EP300: variants seen among roughly 807,000 people sequenced by gnomAD.
EP300 encodes the protein EP300 lysine acetyltransferase, also known as histone acetyltransferase p300.
EP300 carries 31 observed loss-of-function variants against 264.0 expected under a neutral mutation model. That is an observed-to-expected ratio of 0.12 (90% confidence interval 0.09 to 0.16). EP300 has a LOEUF of 0.16. EP300 is among the 10% of genes least tolerant of loss of function. EP300 has a pLI of 1.00. For synonymous variants in EP300, 1,340 were observed against 1,045.4 expected, an observed-to-expected ratio of 1.28 and a Z score of -5.44; for missense variants, 2,766 against 3,052.9, an observed-to-expected ratio of 0.91 and a Z score of 2.21.
chr22:41,134,163 C>CTTTTT (rs11362436), intron 6 of EP300, among the ~76,000 whole-genome samples: 211 of 105,270 alleles, frequency 2.0e-3, no homozygotes, highest in African/African-American at 3.0e-3. Context: ...TCATTCTTTT[C>CTTTTT]TTTTTTTTTT....
chr22:41,126,729 CTTTTTTTTT>C (rs71328775), intron 3 of EP300, among the ~76,000 whole-genome samples: 229 of 48,804 alleles, frequency 4.7e-3, no homozygotes, highest in Middle Eastern at 0.053. Context: ...GAAATGTTCA[CTTTTTTTTT>C]TTTTTTTTTT....
Position 41,178,998 on chromosome 22 carries a change from CTT to C in EP300, c.*43_*44del, listed in dbSNP as rs767351090. On this transcript the variant is annotated 3_prime_UTR_variant, in exon 31 of 31. Transcript: ENST00000263253. Reference sequence around the variant, plus strand: ...TTTGGGAGCAAAAAAATTATTTTCTCTTAACAAGACTTTTTGTACTGAAAACA... The same window carrying C: ...TTTGGGAGCAAAAAAATTATTTTCTCAACAAGACTTTTTGTACTGAAAACA... 53 of 1,606,916 alleles carry C rather than the reference CTT, an allele frequency of 3.3e-5. No homozygotes were observed. The Middle Eastern group carries it at 6.6e-4, about 20-fold the overall frequency.
chr22:41,168,142 ACT>A (rs2059150993), intron 23 of EP300: 1 of 387,556 alleles, frequency 2.6e-6, no homozygotes. Context: ...ATTTTTATAA[ACT>A]CTTCCAAAAT....
At chr22:41,147,731 C>A in intron 11 of EP300, 106 bp from the exon 12 acceptor site, 1 of 840,798 alleles carries the variant, frequency 1.2e-6, no homozygotes. Context: ...GAGCAAGACT[C>A]CGTCTCAAAA....
chr22:41,148,247 T>C (rs1042420555), intron 12 of EP300, among the ~76,000 whole-genome samples: 2 of 152,206 alleles, frequency 1.3e-5, no homozygotes, highest in Non-Finnish European at 2.9e-5. Flanking sequence ...TGGTGCGTTT[T>C]TGCCTGGTTC....
chr22:41,119,583 A>G (rs923477786), intron 2 of EP300, among the ~76,000 whole-genome samples: 1 of 152,148 alleles, frequency 6.6e-6, no homozygotes, highest in Non-Finnish European at 1.5e-5. Context: ...TACTGTGCAC[A>G]TAAGATATAA....
At chr22:41,149,263 T>C in intron 13 of EP300, 88 bp downstream of exon 13, 1 of 1,479,410 alleles carries the variant, frequency 6.8e-7, no homozygotes, top group Non-Finnish European at 9.4e-7. Flanking sequence ...TGGCAGCAAA[T>C]AGTGGGTGAA....
At chr22:41,134,163 C>CTTTTTTTTTTTTTTTTTTTTTT (rs11362436) in intron 6 of EP300, among the ~76,000 whole-genome samples, 3 of 105,628 alleles carry the variant, frequency 2.8e-5, no homozygotes, top group Non-Finnish European at 3.8e-5. Flanking sequence ...TCATTCTTTT[C>CTTTTTTTTTTTTTTTTTTTTTT]TTTTTTTTTT....
intron 1 of EP300, among the ~76,000 whole-genome samples, chr22:41,094,705 T>G (rs1214670323): frequency 1.3e-5 from 2 of 152,220 alleles, no homozygotes; most frequent in Non-Finnish European, 2.9e-5. Context: ...TTTTGTGGTG[T>G]TTCTTTCGTA....
At chr22:41,134,855 C>T (rs924400010) in intron 6 of EP300, among the ~76,000 whole-genome samples, 1 of 152,110 alleles carries the variant, frequency 6.6e-6, no homozygotes, top group African/African-American at 2.4e-5. Flanking sequence ...AGCATATTTT[C>T]CCCTCTTGTT....
chr22:41,141,271 T>C, intron 10 of EP300, 49 bp downstream of exon 10: 1 of 1,571,470 alleles, frequency 6.4e-7, no homozygotes, highest in Non-Finnish European at 8.8e-7. Context: ...GATAATAAAA[T>C]AGTTTCTATC....
chr22:41,148,647 T>A (rs964844488), intron 12 of EP300, among the ~76,000 whole-genome samples: 1 of 152,238 alleles, frequency 6.6e-6, no homozygotes, highest in African/African-American at 2.4e-5. Flanking sequence ...TTTTTACATA[T>A]TATGGGTCTT....
rs778852528 is a variant in EP300, at chr22:41,168,792, T to C, written c.4097T>C (p.Ile1366Thr). 6.2e-7 allele frequency: 1 copy of C among 1,614,138 alleles called. No individual in the cohort carries two copies. The highest frequency in any genetic ancestry group is 8.5e-7 in the Non-Finnish European group (1 of 1,180,026). ...AAAGCCCTCTTTGCCTTTGAAGAAA[T>C]TGATGGTGTTGACCTGTGCTTCTTT... ...RTKALFAFEE[I>T]DGVDLCFFGM... The change falls in exon 25 of 31, where the codon ATT (isoleucine) becomes ACT (threonine). Residue 1366 changes from isoleucine (I) to threonine (T), a missense_variant. By Grantham distance (89) the Ile-to-Thr change is moderately conservative (BLOSUM62 -1). Coordinates refer to ENST00000263253, the MANE Select transcript of EP300 (RefSeq NM_001429.4).
Position 41,127,657 on chromosome 22 carries a change from G to T in EP300, c.1077G>T (p.Gly359=). The T allele has an allele frequency of 1.2e-6, 2 of 1,614,156 alleles. No homozygotes were observed. The highest frequency in any genetic ancestry group is 4.5e-5 in the East Asian group (2 of 44,880). ...GCCAGCGCCGGGAACAGGCCAATGG[G>T]GAAGTGAGGCAGTGCAACCTTCCCC... The part of the protein sequence containing the change: ...HKCQRREQAN[G]EVRQCNLPHC... Residue 359 remains glycine, a synonymous_variant, in exon 4 of 31, where the codon GGG becomes GGT. Transcript: ENST00000263253.
intron 1 of EP300, among the ~76,000 whole-genome samples, chr22:41,109,827 C>G (rs1205237691): frequency 6.6e-6 from 1 of 151,522 alleles, no homozygotes; most frequent in African/African-American, 2.4e-5. Context: ...CCACCACCAC[C>G]CCCCAAGATG....
chr22:41,152,282 A>G lies in EP300; in HGVS notation c.3074A>G (p.Glu1025Gly), dbSNP rs1304596486. Residue 1025 changes from glutamate to glycine, a missense_variant, in exon 16 of 31, where the codon GAG becomes GGG. Physicochemically the swap from Glu to Gly is moderately conservative, Grantham distance 98 (BLOSUM62 -2). Coordinates refer to ENST00000263253, the MANE Select transcript of EP300 (RefSeq NM_001429.4). The stretch of plus-strand genomic sequence containing the variant: ...ACTGAGTTAAAAACTGAAATAAAAG[A>G]GGAGGAAGACCAGCCAAGTACTTCA... Reference protein sequence around the residue: ...RSTELKTEIKEEEDQPSTSAT... With the variant: ...RSTELKTEIKGEEDQPSTSAT... 1.2e-6 allele frequency: 2 copies of G among 1,614,180 alleles called. No individual in the cohort carries two copies. Among genetic ancestry groups the G allele is most frequent in the East Asian group, 4.5e-5 (2 of 44,876 alleles).
At position 41,147,942 on chromosome 22, in the gene EP300, A is replaced by G. The variant is rs766548877; in HGVS notation, c.2237A>G (p.Asn746Ser). The G allele has an allele frequency of 1.4e-5, 23 of 1,601,156 alleles. No individual in the cohort carries two copies. The highest frequency in any genetic ancestry group is 3.5e-5 in the Admixed American group (2 of 57,602). The change falls in exon 12 of 31, where the codon AAC becomes AGC. Residue 746 changes from asparagine (N) to serine (S), a missense_variant. By Grantham distance (46) the Asn-to-Ser change is conservative (BLOSUM62 1). Coordinates refer to ENST00000263253, the MANE Select transcript of EP300 (RefSeq NM_001429.4). ...HGQLAQPGALNPPMGYGPRMQ... is the reference protein window; with the variant it reads ...HGQLAQPGALSPPMGYGPRMQ... ...CAGTTGGCTCAACCTGGAGCTCTCA[A>G]CCCGGTTAGTTTGACGTCTTTGGTA...
intron 20 of EP300, among the ~76,000 whole-genome samples, 189 bp downstream of exon 20, chr22:41,160,911 C>G (rs1371946205): frequency 6.6e-6 from 1 of 152,114 alleles, no homozygotes; most frequent in Non-Finnish European, 1.5e-5. Flanking sequence ...TTCAACTGTT[C>G]AGTAGCTATC....
intron 21 of EP300, among the ~76,000 whole-genome samples, chr22:41,163,427 T>C (rs1601628748): frequency 9.3e-6 from 1 of 107,770 alleles, no homozygotes; most frequent in Admixed American, 1.1e-4. Context: ...AGAGCGAGAC[T>C]CCGTCTCAAA....
Sources: gnomAD v4.1 joint callset for allele counts (sites outside exome capture counted in the v4.1 genomes callset) on GRCh38, gnomAD v4.1.1 for gene constraint, MANE v1.5 for transcripts, NCBI Gene and HGNC (gene_info 2026-07-23, HGNC 2026-07-21) for gene names.